Variants in OPCML observed in about 807,000 individuals in gnomAD.
OPCML encodes the protein opioid-binding protein/cell adhesion molecule.
In OPCML, 13 loss-of-function variants were observed where a neutral mutation model predicts 37.8. The observed-to-expected ratio is 0.34, with a 90% CI of 0.22 to 0.55. The LOEUF (loss-of-function observed/expected upper bound fraction) is 0.55, where lower values mean the gene tolerates loss of function less well. OPCML is among the 20% of genes least tolerant of loss of function. OPCML has a pLI of 0.91. For missense variants in OPCML, 341 were observed against 435.6 expected, an observed-to-expected ratio of 0.78 and a Z score of 1.93; for synonymous variants, 176 against 168.8, an observed-to-expected ratio of 1.04 and a Z score of -0.33.
At chr11:133,409,463 G>A (rs1199385331) in intron 1 of OPCML, among the ~76,000 whole-genome samples, 1 of 152,196 alleles carries the variant, frequency 6.6e-6, no homozygotes, top group Non-Finnish European at 1.5e-5. Context: ...AAAGCATCTA[G>A]TCTCCCAGTG....
chr11:133,374,367 A>G (rs547499892), intron 1 of OPCML, among the ~76,000 whole-genome samples: 31 of 152,356 alleles, frequency 2.0e-4, no homozygotes, highest in African/African-American at 6.3e-4. Flanking sequence ...CCCAAGAGGC[A>G]TGAGGAAACG....
At chr11:133,418,310 T>C (rs184882966) in intron 1 of OPCML, 3 of 985,336 alleles carry the variant, frequency 3.0e-6, no homozygotes, top group Admixed American at 6.1e-5. Context: ...GTTCATCCAG[T>C]CATAATGCAG....
rs530904763 is a variant in OPCML at position 133,174,547 on chromosome 11, C to A, written c.62-231537G>T. On this transcript the variant is annotated intron_variant, in intron 1 of 7. Coordinates refer to ENST00000524381, the MANE Select transcript of OPCML (RefSeq NM_001012393.5). This position sits in a 1 kb window ranked among gnomAD's most constrained non-coding sequence, Gnocchi z 4.6. Reference sequence around the variant, plus strand: ...GGAGGACTGGAAGCAACCTGCATACCCAAAAATAGTCGAAAAGAGTTGTAC... The same window carrying A: ...GGAGGACTGGAAGCAACCTGCATACACAAAAATAGTCGAAAAGAGTTGTAC... 6.6e-6 allele frequency among the ~76,000 whole-genome samples: 1 copy of A among 150,468 alleles called. No homozygotes were observed. The highest frequency in any genetic ancestry group is 2.5e-5 in the African/African-American group (1 of 40,732).
intron 1 of OPCML, among the ~76,000 whole-genome samples, chr11:133,313,900 G>T (rs1943127325): frequency 6.6e-6 from 1 of 152,164 alleles, no homozygotes; most frequent in Non-Finnish European, 1.5e-5. Flanking sequence ...GGTACAGAGA[G>T]AACTATCAGT....
chr11:132,452,629 C>T (rs576516778), intron 4 of OPCML, among the ~76,000 whole-genome samples: 1 of 151,570 alleles, frequency 6.6e-6, no homozygotes, highest in Non-Finnish European at 1.5e-5. Flanking sequence ...TCCTTCTTGC[C>T]TTCCTTCCTT....
chr11:132,927,042 T>G (rs912313180), intron 2 of OPCML, among the ~76,000 whole-genome samples: 1 of 152,056 alleles, frequency 6.6e-6, no homozygotes, highest in Admixed American at 6.6e-5. Flanking sequence ...GAATAAAGCC[T>G]AAGGGACTTA....
intron 3 of OPCML, among the ~76,000 whole-genome samples, chr11:132,600,279 G>A (rs780324189): frequency 6.6e-6 from 1 of 152,206 alleles, no homozygotes; most frequent in Non-Finnish European, 1.5e-5. Flanking sequence ...ACTCACTCGG[G>A]TGGATATCTT....
Position 132,724,989 on chromosome 11 carries a change from C to T in OPCML, c.147-67670G>A, listed in dbSNP as rs572055418. Among the ~76,000 whole-genome samples the T allele has an allele frequency of 5.3e-5, 8 of 152,284 alleles. No homozygotes were observed. In the South Asian group the frequency reaches 6.2e-4, roughly 12 times the overall value. Reference sequence around the variant, plus strand: ...CCTCCCAGCCACTTTCATGGGCTGACGTTGAGTGTCTGAGGCTTTTCCAGT... The same window carrying T: ...CCTCCCAGCCACTTTCATGGGCTGATGTTGAGTGTCTGAGGCTTTTCCAGT... On this transcript the variant is annotated intron_variant, in intron 2 of 7. Transcript: ENST00000524381.
intron 2 of OPCML, among the ~76,000 whole-genome samples, chr11:132,923,454 A>T (rs1006062920): frequency 6.6e-6 from 1 of 152,208 alleles, no homozygotes; most frequent in African/African-American, 2.4e-5. Context: ...AGAAAATATT[A>T]ACAAATTGGA....
chr11:133,379,602 C>A (rs890901377), intron 1 of OPCML, among the ~76,000 whole-genome samples: 3 of 152,194 alleles, frequency 2.0e-5, no homozygotes, highest in African/African-American at 7.2e-5. Flanking sequence ...CAGCTTCTGG[C>A]CTCTTTCACT....
At position 132,787,619 on chromosome 11, in the gene OPCML, G is replaced by A. The variant is rs527587233; in HGVS notation, c.147-130300C>T. ...ACTATGCAAGCTTTACATAGTCCCC[G>A]TGATAGTTTATTATATGCCCATTTA... On this transcript the variant is annotated intron_variant, in intron 2 of 7. Transcript: ENST00000524381. 2.6e-5 allele frequency among the ~76,000 whole-genome samples: 4 copies of A among 152,148 alleles called. No individual in the cohort carries two copies. In the South Asian group the frequency reaches 8.3e-4, roughly 32 times the overall value.
chr11:132,884,676 A>C (rs1943342322), intron 2 of OPCML, among the ~76,000 whole-genome samples: 1 of 152,240 alleles, frequency 6.6e-6, no homozygotes, highest in African/African-American at 2.4e-5. Flanking sequence ...AATTCAGAAC[A>C]ATCTTTATAG....
At chr11:133,451,391 C>T (rs1422926896) in intron 1 of OPCML, among the ~76,000 whole-genome samples, 2 of 151,778 alleles carry the variant, frequency 1.3e-5, no homozygotes, top group Non-Finnish European at 2.9e-5. Flanking sequence ...CCCCAATGAG[C>T]ATGAAGTGGA....
intron 1 of OPCML, among the ~76,000 whole-genome samples, chr11:133,236,992 A>G (rs1340006412): frequency 6.6e-6 from 1 of 152,184 alleles, no homozygotes; most frequent in Admixed American, 6.5e-5. Flanking sequence ...GGAAGTAAAA[A>G]TGGCCTTACT....
chr11:132,883,933 A>G (rs1247111842), intron 2 of OPCML, among the ~76,000 whole-genome samples: 1 of 152,184 alleles, frequency 6.6e-6, no homozygotes, highest in Non-Finnish European at 1.5e-5. Context: ...TTCCAGTGAG[A>G]AACATAATGT....
At chr11:132,673,143 A>G (rs1267285123) in intron 2 of OPCML, among the ~76,000 whole-genome samples, 1 of 152,172 alleles carries the variant, frequency 6.6e-6, no homozygotes, top group East Asian at 1.9e-4. Flanking sequence ...GCCCCAAATG[A>G]GGTCTGGCAC....
chr11:132,692,892 C>T lies in OPCML; in HGVS notation c.147-35573G>A, dbSNP rs77303380. 9.6e-3 allele frequency among the ~76,000 whole-genome samples: 1,461 copies of T among 152,268 alleles called. 21 individuals are homozygous for T. The highest frequency in any genetic ancestry group is 0.033 in the African/African-American group (1,383 of 41,538). On this transcript the variant is annotated intron_variant, in intron 2 of 7. Coordinates refer to ENST00000524381, the MANE Select transcript of OPCML (RefSeq NM_001012393.5). ...TTTCCCACTGGCTTTAACAATTCCT[C>T]TAAATGGAAATAGCACAATTTTCCT...
intron 1 of OPCML, chr11:133,360,417 G>T (rs1002590821): frequency 5.3e-5 from 8 of 152,232 alleles, no homozygotes; most frequent in African/African-American, 1.9e-4. Context: ...GCCCGCAGGG[G>T]AAGGAAGGAA....
intron 2 of OPCML, among the ~76,000 whole-genome samples, chr11:132,941,490 T>C (rs1456422001): frequency 6.6e-6 from 1 of 152,234 alleles, no homozygotes; most frequent in African/African-American, 2.4e-5. Flanking sequence ...ACCCGTGTGC[T>C]GCTTATATCT....
Sources: allele counts gnomAD v4.1 joint callset (sites outside exome capture counted in the v4.1 genomes callset), GRCh38; gene constraint gnomAD v4.1.1; non-coding constraint Gnocchi (gnomAD v3.1); transcripts MANE v1.5; gene names NCBI Gene and HGNC (gene_info 2026-07-23, HGNC 2026-07-21).